TOGARAM1: variants seen among roughly 807,000 people sequenced by gnomAD.
The protein encoded by TOGARAM1 is TOG array regulator of axonemal microtubules protein 1.
A neutral mutation model predicts 166.6 loss-of-function variants in TOGARAM1; 100 were observed. The observed-to-expected ratio is 0.60, with a 90% CI of 0.51 to 0.71. TOGARAM1 has a LOEUF of 0.71. Ranked by LOEUF, TOGARAM1 falls within the 30% of genes least tolerant of loss-of-function variation. The probability of loss-of-function intolerance (pLI) is 0.00; values close to 1 mark genes in which losing one functional copy is unlikely to be tolerated. For missense variants in TOGARAM1, 2,029 were observed against 2,102.7 expected, an observed-to-expected ratio of 0.96 and a Z score of 0.69; for synonymous variants, 758 against 763.8, an observed-to-expected ratio of 0.99 and a Z score of 0.13.
chr14:45,070,537 TTCTC>T (rs970306097), intron 18 of TOGARAM1, among the ~76,000 whole-genome samples: 1 of 152,264 alleles, frequency 6.6e-6, no homozygotes, highest in Non-Finnish European at 1.5e-5. Context: ...TTTATTTTTC[TTCTC>T]TCTCCTAATA....
intron 1 of TOGARAM1, among the ~76,000 whole-genome samples, chr14:44,983,501 A>C (rs1387090683): frequency 6.6e-6 from 1 of 152,202 alleles, no homozygotes; most frequent in African/African-American, 2.4e-5. Flanking sequence ...TATATGTCAA[A>C]TAAGCTCCTA....
chr14:45,020,589 C>T (rs1338471005), intron 7 of TOGARAM1, among the ~76,000 whole-genome samples: 1 of 152,122 alleles, frequency 6.6e-6, no homozygotes, highest in East Asian at 1.9e-4. Flanking sequence ...TTGTATAAAT[C>T]TTGTTCAGTG....
chr14:44,988,257 A>T (rs985366067), intron 1 of TOGARAM1, among the ~76,000 whole-genome samples: 4 of 152,218 alleles, frequency 2.6e-5, no homozygotes, highest in African/African-American at 7.2e-5. Flanking sequence ...AGTATAAAAA[A>T]AAATCGTAAA....
intron 1 of TOGARAM1, among the ~76,000 whole-genome samples, chr14:44,969,063 G>A (rs1264380361): frequency 7.9e-5 from 12 of 151,626 alleles, no homozygotes; most frequent in Admixed American, 2.6e-4. Context: ...ATGCATTTAA[G>A]TTTCCTTTAT....
At chr14:45,009,213 T>C (rs1188949643) in intron 6 of TOGARAM1, 68 bp downstream of exon 6, 2 of 1,164,472 alleles carry the variant, frequency 1.7e-6, no homozygotes, top group East Asian at 2.4e-5. Flanking sequence ...CCTAATATCA[T>C]ATTTGTAAAA....
chr14:45,024,304 G>T (rs1320817154), intron 7 of TOGARAM1, among the ~76,000 whole-genome samples: 2 of 151,838 alleles, frequency 1.3e-5, no homozygotes, highest in Non-Finnish European at 2.9e-5. Context: ...TTACTCTTTT[G>T]ATATTTGAAT....
intron 16 of TOGARAM1, among the ~76,000 whole-genome samples, chr14:45,064,080 C>G (rs888585598): frequency 6.6e-6 from 1 of 152,038 alleles, no homozygotes; most frequent in East Asian, 1.9e-4. Context: ...TCCACTGACC[C>G]CCACCCCCCG....
intron 18 of TOGARAM1, among the ~76,000 whole-genome samples, chr14:45,069,709 G>A (rs1883293597): frequency 6.6e-6 from 1 of 152,044 alleles, no homozygotes; most frequent in South Asian, 2.1e-4. Flanking sequence ...AAAAAATAGT[G>A]ACAATACAAA....
chr14:45,066,470 T>C (rs73353671), intron 16 of TOGARAM1, 108 bp from the exon 17 acceptor site: 25,498 of 1,031,272 alleles, frequency 0.025, 1,185 homozygotes, highest in African/African-American at 0.18. Flanking sequence ...TTTTGCATTT[T>C]ATGCATTTTG....
chr14:45,006,178 C>A lies in TOGARAM1; in HGVS notation c.2815C>A (p.Pro939Thr), dbSNP rs528230323. 6.2e-7 allele frequency: 1 copy of A among 1,613,784 alleles called. No homozygotes were observed. The highest frequency in any genetic ancestry group is 1.1e-5 in the South Asian group (1 of 91,066). ...LSTVGHKKKEPDDIWKCEKDS... is the reference protein window; with the variant it reads ...LSTVGHKKKETDDIWKCEKDS... ...CACAGTGGGACACAAAAAGAAAGAGCCTGATGATATTTGGAAGTGTGAAAA... is the reference window on the plus strand; with the variant it reads ...CACAGTGGGACACAAAAAGAAAGAGACTGATGATATTTGGAAGTGTGAAAA... Residue 939 changes from proline to threonine, a missense_variant, in exon 5 of 20, where the codon CCT becomes ACT. Pro to Thr is a conservative substitution (Grantham distance 38). Coordinates refer to ENST00000361462, the MANE Select transcript of TOGARAM1 (RefSeq NM_001308120.2).
At chr14:45,020,426 A>G (rs530529554) in intron 7 of TOGARAM1, among the ~76,000 whole-genome samples, 2 of 152,332 alleles carry the variant, frequency 1.3e-5, no homozygotes, top group South Asian at 4.2e-4. Context: ...AACCCGTTCC[A>G]TGTCACCATT....
At chr14:44,987,697 C>T (rs1455741295) in intron 1 of TOGARAM1, among the ~76,000 whole-genome samples, 6 of 149,820 alleles carry the variant, frequency 4.0e-5, no homozygotes, top group Admixed American at 2.7e-4. Flanking sequence ...GTCAGTGTGG[C>T]GATTCCTCAG....
intron 11 of TOGARAM1, among the ~76,000 whole-genome samples, chr14:45,033,259 A>AAG (rs1343155533): frequency 6.6e-6 from 1 of 151,918 alleles, no homozygotes; most frequent in African/African-American, 2.4e-5. Context: ...TCTCAAAAAA[A>AAG]AAAAAAAAAA....
chr14:44,973,834 C>G (rs1345688617), intron 1 of TOGARAM1, among the ~76,000 whole-genome samples: 2 of 151,472 alleles, frequency 1.3e-5, no homozygotes, highest in Non-Finnish European at 3.0e-5. Flanking sequence ...TTCCAATCCA[C>G]TTTCTTCTTC....
chr14:45,064,178 C>A (rs925781002), intron 16 of TOGARAM1, among the ~76,000 whole-genome samples: 14 of 152,122 alleles, frequency 9.2e-5, no homozygotes, highest in African/African-American at 3.4e-4. Flanking sequence ...TAGTCATGAT[C>A]CCTCTTGAAT....
chr14:44,982,109 A>G (rs891832680), intron 1 of TOGARAM1, among the ~76,000 whole-genome samples: 4 of 151,960 alleles, frequency 2.6e-5, no homozygotes, highest in African/African-American at 9.7e-5. Flanking sequence ...CTCCCAAAGT[A>G]CTGGGATTAC....
At position 44,962,418 on chromosome 14, in the gene TOGARAM1, C is replaced by T; in HGVS notation, c.-4C>T. ...TTCCAACCACCACCACCTGACAACC[C>T]TGCATGGCGGCTGCCCCCTCCGCGC... On this transcript the variant is annotated 5_prime_UTR_variant, in exon 1 of 20. Transcript: ENST00000361462. 1 of 1,551,160 alleles carries T rather than the reference C, an allele frequency of 6.4e-7. No individual in the cohort carries two copies. The highest frequency in any genetic ancestry group is 1.4e-5 in the African/African-American group (1 of 73,366).
At chr14:45,046,478 G>T (rs992635811) in intron 13 of TOGARAM1, 67 bp from the exon 14 acceptor site, 12 of 1,226,086 alleles carry the variant, frequency 9.8e-6, no homozygotes, top group African/African-American at 6.2e-5. Flanking sequence ...ACAACCCATA[G>T]ATCCATAGAT....
At chr14:45,028,965 G>A (rs965693887) in intron 10 of TOGARAM1, among the ~76,000 whole-genome samples, 7 of 151,948 alleles carry the variant, frequency 4.6e-5, no homozygotes, top group Non-Finnish European at 8.8e-5. Flanking sequence ...ACTCAAGAAG[G>A]TTACAAAAAT....
Sources: allele counts gnomAD v4.1 joint callset (sites outside exome capture counted in the v4.1 genomes callset), GRCh38; gene constraint gnomAD v4.1.1; transcripts MANE v1.5; gene names NCBI Gene and HGNC (gene_info 2026-07-23, HGNC 2026-07-21).